The following DAAM2 variants were observed in gnomAD, a reference collection of about 807,000 sequenced individuals.
DAAM2 encodes disheveled-associated activator of morphogenesis 2.
DAAM2 carries 39 observed loss-of-function variants against 120.7 expected under a neutral mutation model. That is an observed-to-expected ratio of 0.32 (90% CI 0.25 to 0.42). The LOEUF (loss-of-function observed/expected upper bound fraction) is 0.42. DAAM2 is among the 10% of genes least tolerant of loss of function. DAAM2 has a pLI of 1.00. For missense variants in DAAM2, 1,283 were observed against 1,401.7 expected, an observed-to-expected ratio of 0.92 and a Z score of 1.35; for synonymous variants, 488 against 524.9, an observed-to-expected ratio of 0.93 and a Z score of 0.96.
chr6:39,856,549 C>A, intron 2 of DAAM2, 79 bp downstream of exon 2: 1 of 1,191,728 alleles, frequency 8.4e-7, no homozygotes, highest in Non-Finnish European at 1.1e-6. Flanking sequence ...GAGGGCAGGG[C>A]CCCTGTGCTG....
intron 11 of DAAM2, among the ~76,000 whole-genome samples, chr6:39,875,855 A>G (rs1764848047): frequency 6.6e-6 from 1 of 152,226 alleles, no homozygotes; most frequent in Admixed American, 6.5e-5. Context: ...TGGGGAATTT[A>G]AACACATTAA....
At chr6:39,829,117 C>T (rs1396543260) in intron 1 of DAAM2, among the ~76,000 whole-genome samples, 1 of 152,206 alleles carries the variant, frequency 6.6e-6, no homozygotes, top group Non-Finnish European at 1.5e-5. Flanking sequence ...GGATAATTCA[C>T]CCAGGGACCA....
At chr6:39,836,044 G>C (rs1360829281) in intron 1 of DAAM2, among the ~76,000 whole-genome samples, 1 of 152,154 alleles carries the variant, frequency 6.6e-6, no homozygotes, top group Non-Finnish European at 1.5e-5. Flanking sequence ...GTGTGGCCCA[G>C]AGAAAAGGGG....
chr6:39,845,515 C>G (rs557394853), intron 1 of DAAM2, among the ~76,000 whole-genome samples: 1 of 145,806 alleles, frequency 6.9e-6, no homozygotes, highest in African/African-American at 2.6e-5. Flanking sequence ...AGTACACATA[C>G]CACACATATG....
chr6:39,883,681 G>C, intron 14 of DAAM2: 1 of 358,684 alleles, frequency 2.8e-6, no homozygotes, highest in South Asian at 6.4e-5. Flanking sequence ...CTTTCCTACT[G>C]CCTACCCATC....
rs1157746323 is a variant in DAAM2 at position 39,864,619 on chromosome 6, C to T, written c.333+112C>T. 27 of 801,566 alleles carry T rather than the reference C, an allele frequency of 3.4e-5. No individual in the cohort carries two copies. In the South Asian group the frequency reaches 3.7e-4, roughly 11 times the overall value. 49.7% of individuals were successfully genotyped at this position (801,566 alleles called of 1,614,324 possible). ...CAAACTGCCTTTTACTGCTCCTCAG[C>T]GCCCCACTGCCCACTCACTGGAGTT... On this transcript the variant is annotated intron_variant, in intron 4 of 24. Transcript: ENST00000274867.
Position 39,878,368 on chromosome 6 carries a change from C to G in DAAM2, c.1361-36C>G. On this transcript the variant is annotated intron_variant, in intron 12 of 24. Transcript: ENST00000274867. This position sits in a 1 kb window ranked among gnomAD's most constrained non-coding sequence, Gnocchi z 5.0. ...GGGAGTCACATTACTCACATTCTCT[C>G]CTTCTGTTTCCTCTCCCGTCCCACC... The G allele has an allele frequency of 1.9e-6, 3 of 1,609,156 alleles. No homozygotes were observed. In the South Asian group the frequency reaches 3.3e-5, roughly 18 times the overall value.
chr6:39,804,065 G>T (rs79473517), intron 1 of DAAM2, among the ~76,000 whole-genome samples: 167 of 152,288 alleles, frequency 1.1e-3, no homozygotes, highest in African/African-American at 3.8e-3. Context: ...GGCTGTGTGG[G>T]TTATTTTTAA....
chr6:39,811,982 C>T (rs1333123384), intron 1 of DAAM2, among the ~76,000 whole-genome samples: 1 of 152,162 alleles, frequency 6.6e-6, no homozygotes, highest in Admixed American at 6.5e-5. Flanking sequence ...GACCTGGAAC[C>T]CACACATTTA....
intron 1 of DAAM2, among the ~76,000 whole-genome samples, chr6:39,801,807 G>A (rs1229636166): frequency 1.3e-5 from 2 of 152,186 alleles, no homozygotes; most frequent in Non-Finnish European, 2.9e-5. Flanking sequence ...ACATTCCCGG[G>A]GGGTCAGTGT....
chr6:39,841,244 G>T (rs1457252319), intron 1 of DAAM2, among the ~76,000 whole-genome samples: 1 of 100,998 alleles, frequency 9.9e-6, no homozygotes, highest in Admixed American at 9.0e-5. Flanking sequence ...CCAGGGGGAG[G>T]GGCGCTGGGA....
intron 1 of DAAM2, among the ~76,000 whole-genome samples, chr6:39,841,960 C>T (rs1470783453): frequency 6.6e-6 from 1 of 152,202 alleles, no homozygotes; most frequent in Non-Finnish European, 1.5e-5. Context: ...AAATTAAAAA[C>T]AGAAATGAAA....
chr6:39,838,661 T>G (rs992800738), intron 1 of DAAM2, among the ~76,000 whole-genome samples: 23 of 152,170 alleles, frequency 1.5e-4, no homozygotes, highest in Non-Finnish European at 1.5e-5. Context: ...TTCTTTTTTC[T>G]TTTTCTTTTT....
At chr6:39,831,462 CTAT>C (rs1435866381) in intron 1 of DAAM2, among the ~76,000 whole-genome samples, 15 of 152,064 alleles carry the variant, frequency 9.9e-5, no homozygotes, top group African/African-American at 3.6e-4. Flanking sequence ...AGGCAGATTA[CTAT>C]TATTATTCTC....
chr6:39,798,415 A>T lies in DAAM2; in HGVS notation c.-57+5950A>T, dbSNP rs141403058. Among the ~76,000 whole-genome samples, 773 of 152,266 alleles carry T rather than the reference A, an allele frequency of 5.1e-3. 7 individuals are homozygous for T. Among genetic ancestry groups the T allele is most frequent in the African/African-American group, 0.018 (728 of 41,546 alleles). On this transcript the variant is annotated intron_variant, in intron 1 of 24. Transcript: ENST00000274867. ...GTTACTAGCAATCAGCCACATAGAG[A>T]ACTAACTAGACAAAAGTCAAAATCT...
chr6:39,873,734 T>A (rs888650480), intron 10 of DAAM2, among the ~76,000 whole-genome samples: 39 of 152,256 alleles, frequency 2.6e-4, no homozygotes, highest in Middle Eastern at 3.4e-3. Context: ...GGAATGAACA[T>A]GGTTGTTTTT....
At chr6:39,815,240 A>G (rs1241415036) in intron 1 of DAAM2, among the ~76,000 whole-genome samples, 2 of 152,116 alleles carry the variant, frequency 1.3e-5, no homozygotes, top group Admixed American at 1.3e-4. Flanking sequence ...GGTGGCTTAT[A>G]TTTTTCACAT....
intron 3 of DAAM2, chr6:39,861,898 G>T (rs986581827): frequency 2.0e-5 from 3 of 152,540 alleles, no homozygotes; most frequent in Admixed American, 2.0e-4. Flanking sequence ...AGGTCTGGGC[G>T]GAGTCTGAGC....
intron 14 of DAAM2, among the ~76,000 whole-genome samples, chr6:39,880,724 G>A (rs1765078899): frequency 6.6e-6 from 1 of 152,174 alleles, no homozygotes; most frequent in South Asian, 2.1e-4. Context: ...TAGGTGGAAA[G>A]ATGAAGCATA....
Sources: gnomAD v4.1 joint callset for allele counts (sites outside exome capture counted in the v4.1 genomes callset) on GRCh38, gnomAD v4.1.1 for gene constraint, Gnocchi (gnomAD v3.1) non-coding constraint, MANE v1.5 for transcripts, NCBI Gene and HGNC (gene_info 2026-07-23, HGNC 2026-07-21) for gene names.